ARHGAP42: variants seen among roughly 807,000 people sequenced by gnomAD.
The protein encoded by ARHGAP42 is rho GTPase-activating protein 42.
ARHGAP42 carries 63 observed loss-of-function variants against 125.0 expected under a neutral mutation model. The observed-to-expected ratio is 0.50, with a 90% CI of 0.41 to 0.62. ARHGAP42 has a LOEUF of 0.62. ARHGAP42 is among the 20% of genes least tolerant of loss of function. ARHGAP42 has a pLI of 0.00. For synonymous variants in ARHGAP42, 339 were observed against 351.0 expected (o/e 0.97, Z 0.38); for missense variants, 766 against 1,024.2 (o/e 0.75, Z 3.44).
intron 3 of ARHGAP42, among the ~76,000 whole-genome samples, chr11:100,798,257 C>G (rs916083414): frequency 6.6e-6 from 1 of 152,204 alleles, no homozygotes; most frequent in African/African-American, 2.4e-5. Context: ...ACAAGATAGA[C>G]TTCAATTTTG....
chr11:100,977,039 A>G, intron 21 of ARHGAP42, 68 bp downstream of exon 21: 3 of 1,517,332 alleles, frequency 2.0e-6, no homozygotes, highest in Non-Finnish European at 2.7e-6. Flanking sequence ...GTTTCAGAAG[A>G]ACTCTTGGGA....
intron 15 of ARHGAP42, 140 bp downstream of exon 15, chr11:100,961,908 A>G: frequency 1.6e-6 from 1 of 609,162 alleles, no homozygotes; most frequent in South Asian, 2.4e-5. Flanking sequence ...AAATAGCATG[A>G]CATGGTAACA....
At chr11:100,867,829 A>T (rs60561861) in intron 4 of ARHGAP42, among the ~76,000 whole-genome samples, 3,499 of 152,316 alleles carry the variant, frequency 0.023, 83 homozygotes, top group African/African-American at 0.055. Context: ...AATGGTAGAC[A>T]TATGACTTTT....
intron 4 of ARHGAP42, among the ~76,000 whole-genome samples, chr11:100,861,910 AGAGT>A (rs1039717344): frequency 2.7e-4 from 41 of 152,324 alleles, no homozygotes; most frequent in African/African-American, 9.6e-4. Flanking sequence ...GAGAAAGAAT[AGAGT>A]GAGACGGGAA....
intron 10 of ARHGAP42, 91 bp downstream of exon 10, chr11:100,943,959 G>T: frequency 4.9e-6 from 4 of 818,156 alleles, no homozygotes; most frequent in South Asian, 2.2e-5. Flanking sequence ...GCATTCAAGT[G>T]TTTTTTAGTC....
At chr11:100,797,007 T>TCAGC (rs1238241459) in intron 3 of ARHGAP42, among the ~76,000 whole-genome samples, 2 of 152,166 alleles carry the variant, frequency 1.3e-5, no homozygotes, top group African/African-American at 4.8e-5. Context: ...GACCTCGTGA[T>TCAGC]CAGCCTGCCT....
intron 4 of ARHGAP42, among the ~76,000 whole-genome samples, chr11:100,893,158 G>GGT (rs142725608): frequency 0.37 from 54,578 of 146,926 alleles, 10,276 homozygotes; most frequent in Middle Eastern, 0.51. Flanking sequence ...AACATTTAGG[G>GGT]GTGTGTGTGT....
Position 100,795,104 on chromosome 11 carries a change from G to A in ARHGAP42, c.251-1G>A. 1 of 1,543,362 alleles carries A rather than the reference G, an allele frequency of 6.5e-7. No individual in the cohort carries two copies. Among genetic ancestry groups the A allele is most frequent in the Non-Finnish European group, 8.7e-7 (1 of 1,143,336 alleles). ...TTGCATTTTTTTATCTTTCCAAACA[G>A]CTCAGTCACTAAAAGAATTTGCAAG... is the stretch of plus-strand genomic sequence containing the variant. On this transcript the variant is annotated splice_acceptor_variant, in intron 2 of 23. Coordinates refer to ENST00000298815, the MANE Select transcript of ARHGAP42 (RefSeq NM_152432.4). LOFTEE classifies it high-confidence loss of function.
intron 6 of ARHGAP42, among the ~76,000 whole-genome samples, chr11:100,925,702 C>T (rs1867400749): frequency 6.6e-6 from 1 of 152,200 alleles, no homozygotes; most frequent in Non-Finnish European, 1.5e-5. Context: ...CATGGCACTG[C>T]TCTCCGGCCT....
chr11:100,752,229 G>C (rs1862477626), intron 1 of ARHGAP42, among the ~76,000 whole-genome samples: 1 of 152,164 alleles, frequency 6.6e-6, no homozygotes, highest in Non-Finnish European at 1.5e-5. Flanking sequence ...GTTATCTATA[G>C]GTGCACCCAC....
intron 2 of ARHGAP42, among the ~76,000 whole-genome samples, chr11:100,780,046 A>G (rs986121701): frequency 1.6e-4 from 24 of 151,810 alleles, no homozygotes; most frequent in Non-Finnish European, 2.8e-4. Context: ...AAAAAAAACA[A>G]GTTTTAAAAA....
chr11:100,793,186 A>G (rs1215932169), intron 2 of ARHGAP42, among the ~76,000 whole-genome samples: 3 of 152,208 alleles, frequency 2.0e-5, no homozygotes, highest in Non-Finnish European at 2.9e-5. Context: ...GACTTCTTCA[A>G]ACTCACCAAC....
chr11:100,894,605 G>A (rs751602657), intron 4 of ARHGAP42, among the ~76,000 whole-genome samples: 9 of 152,180 alleles, frequency 5.9e-5, no homozygotes, highest in Non-Finnish European at 1.2e-4. Context: ...TAACTACCAA[G>A]CTGACAATTT....
At position 100,699,506 on chromosome 11, in the gene ARHGAP42, ATTTTTTTTTTTTTTTTTTTTTTTTT is replaced by A. The variant is rs869243290; in HGVS notation, c.154+11683_154+11707del. Among the ~76,000 whole-genome samples the A allele has an allele frequency of 1.8e-3, 58 of 31,756 alleles. 1 individual carries two copies. Among genetic ancestry groups the A allele is most frequent in the African/African-American group, 8.2e-3 (57 of 6,980 alleles). 20.8% of individuals were successfully genotyped at this position (31,756 alleles called of 152,430 possible). On this transcript the variant is annotated intron_variant, in intron 1 of 23. Coordinates refer to ENST00000298815, the MANE Select transcript of ARHGAP42 (RefSeq NM_152432.4). ...TATATATATATATATATATATATATATTTTTTTTTTTTTTTTTTTTTTTTTTTTTTTTTGAGATGGAGTTTCACTC... is the reference window on the plus strand; with the variant it reads ...TATATATATATATATATATATATATATTTTTTTTGAGATGGAGTTTCACTC...
chr11:100,757,943 T>C (rs1004450617), intron 1 of ARHGAP42, among the ~76,000 whole-genome samples: 3 of 152,206 alleles, frequency 2.0e-5, no homozygotes, highest in Non-Finnish European at 4.4e-5. Context: ...TACCATCCGT[T>C]ATAAAATATT....
At chr11:100,869,146 C>T (rs533154361) in intron 4 of ARHGAP42, among the ~76,000 whole-genome samples, 3 of 151,794 alleles carry the variant, frequency 2.0e-5, no homozygotes, top group African/African-American at 7.2e-5. Flanking sequence ...CACAGGGGTA[C>T]CTAGCAAGAA....
At chr11:100,793,298 ATTCT>A (rs1239012964) in intron 2 of ARHGAP42, among the ~76,000 whole-genome samples, 1 of 152,206 alleles carries the variant, frequency 6.6e-6, no homozygotes, top group Non-Finnish European at 1.5e-5. Context: ...CAGTTAAAAT[ATTCT>A]TTCTATTTAT....
chr11:100,740,881 G>C (rs1391087042), intron 1 of ARHGAP42, among the ~76,000 whole-genome samples: 2 of 152,162 alleles, frequency 1.3e-5, no homozygotes, highest in African/African-American at 4.8e-5. Flanking sequence ...GAGGGTATCT[G>C]TGGTTATACT....
intron 4 of ARHGAP42, among the ~76,000 whole-genome samples, chr11:100,896,158 C>CA (rs1866354745): frequency 6.6e-6 from 1 of 152,182 alleles, no homozygotes; most frequent in South Asian, 2.1e-4. Context: ...CATGTTCCTG[C>CA]AAAGGACATG....
Sources: gnomAD v4.1 joint callset for allele counts (sites outside exome capture counted in the v4.1 genomes callset) on GRCh38, gnomAD v4.1.1 for gene constraint, MANE v1.5 for transcripts, NCBI Gene and HGNC (gene_info 2026-07-23, HGNC 2026-07-21) for gene names.